AKAP6: variants seen among roughly 807,000 people sequenced by gnomAD.
The protein encoded by AKAP6 is A-kinase anchoring protein 6, also known as A-kinase anchor protein 6.
AKAP6 carries 58 observed loss-of-function variants against 188.5 expected under a neutral mutation model. The ratio of observed to expected loss-of-function variants is 0.31; its 90% CI spans 0.25 to 0.38. The LOEUF is 0.38. AKAP6 is among the 10% of genes least tolerant of loss of function. AKAP6 has a pLI of 1.00. For missense variants in AKAP6, 2,710 were observed against 2,740.0 expected (o/e 0.99, Z 0.24); for synonymous variants, 989 against 998.6 (o/e 0.99, Z 0.18).
In AKAP6 at chr14:32,729,446, C is replaced by T. The variant is rs1025325608; in HGVS notation, c.3001-3008C>T. ...TTAGCATTTGTGCTAAAAGTAAGTA[C>T]TCAATAAGAATTTTCTACAACTTCT... On this transcript the variant is annotated intron_variant, in intron 9 of 13. Coordinates refer to ENST00000280979, the MANE Select transcript of AKAP6 (RefSeq NM_004274.5). Among the ~76,000 whole-genome samples the T allele has an allele frequency of 7.9e-5, 12 of 152,212 alleles. No homozygotes were observed. In the East Asian group the frequency reaches 2.3e-3, roughly 29 times the overall value.
chr14:32,509,317 G>C (rs979669629), intron 2 of AKAP6, among the ~76,000 whole-genome samples: 1 of 151,608 alleles, frequency 6.6e-6, no homozygotes, highest in African/African-American at 2.4e-5. Flanking sequence ...TAGTAGAGAC[G>C]GGGTTTCGCC....
intron 2 of AKAP6, among the ~76,000 whole-genome samples, chr14:32,522,903 A>G (rs1881919978): frequency 6.6e-6 from 1 of 152,222 alleles, no homozygotes; most frequent in Non-Finnish European, 1.5e-5. Flanking sequence ...ACTATTCACA[A>G]TAGCAAAGAC....
chr14:32,753,628 G>T (rs2032222572), intron 11 of AKAP6, among the ~76,000 whole-genome samples: 1 of 151,818 alleles, frequency 6.6e-6, no homozygotes, highest in Non-Finnish European at 1.5e-5. Flanking sequence ...TTTCTAGGGG[G>T]AAAGTTTATA....
chr14:32,697,952 G>A (rs893901735), intron 9 of AKAP6, among the ~76,000 whole-genome samples: 4 of 152,058 alleles, frequency 2.6e-5, no homozygotes, highest in Non-Finnish European at 5.9e-5. Flanking sequence ...TGTGACTCAC[G>A]TCCTGTCACC....
At chr14:32,545,148 T>A in intron 3 of AKAP6, 82 bp from the exon 4 acceptor site, 1 of 1,354,982 alleles carries the variant, frequency 7.4e-7, no homozygotes, top group Non-Finnish European at 1.0e-6. Context: ...TATAGTGCCC[T>A]GTACTGCAAT....
At chr14:32,488,564 G>A (rs930587108) in intron 2 of AKAP6, among the ~76,000 whole-genome samples, 2 of 152,132 alleles carry the variant, frequency 1.3e-5, no homozygotes, top group Non-Finnish European at 2.9e-5. Context: ...GGGGTTCCAG[G>A]CACCACTGGG....
intron 12 of AKAP6, among the ~76,000 whole-genome samples, chr14:32,814,977 A>C (rs1475567618): frequency 6.6e-6 from 1 of 152,216 alleles, no homozygotes; most frequent in Non-Finnish European, 1.5e-5. Flanking sequence ...GGACAGTCAG[A>C]GTACCTGTCC....
chr14:32,832,611 C>T lies in AKAP6; in HGVS notation c.*2806C>T, dbSNP rs1322119170. 1 of 152,188 alleles carries T rather than the reference C, an allele frequency of 6.6e-6. No homozygotes were observed. 9.4% of individuals were successfully genotyped at this position (152,188 alleles called of 1,614,324 possible). On this transcript the variant is annotated 3_prime_UTR_variant, in exon 14 of 14. Transcript: ENST00000280979. ...CCCAATTACCCTTAGAAAATGATCA[C>T]ACCAACTCTGCCTACACACTTCCAG...
At chr14:32,331,492 C>G (rs141103385) in intron 1 of AKAP6, among the ~76,000 whole-genome samples, 220 of 152,132 alleles carry the variant, frequency 1.4e-3, no homozygotes, top group African/African-American at 5.3e-3. Context: ...AATTACAGTT[C>G]TCCAACTTTA....
chr14:32,420,911 G>GTA (rs1269435588), intron 1 of AKAP6, among the ~76,000 whole-genome samples: 1 of 123,114 alleles, frequency 8.1e-6, no homozygotes, highest in Non-Finnish European at 1.7e-5. Flanking sequence ...AGATTGATTT[G>GTA]TGTGTGTGTG....
At chr14:32,618,784 A>G (rs1417345720) in intron 7 of AKAP6, among the ~76,000 whole-genome samples, 1 of 152,216 alleles carries the variant, frequency 6.6e-6, no homozygotes, top group Non-Finnish European at 1.5e-5. Flanking sequence ...TGTTTTCCAC[A>G]GGGATTGTAC....
At chr14:32,570,508 A>C (rs1884431108) in intron 4 of AKAP6, among the ~76,000 whole-genome samples, 1 of 152,032 alleles carries the variant, frequency 6.6e-6, no homozygotes, top group Non-Finnish European at 1.5e-5. Flanking sequence ...CTTAGTGAAT[A>C]ATAAAACAAT....
chr14:32,772,826 G>T (rs1042050845), intron 11 of AKAP6, among the ~76,000 whole-genome samples: 2 of 152,202 alleles, frequency 1.3e-5, no homozygotes, highest in Non-Finnish European at 2.9e-5. Flanking sequence ...TAGTAATTCA[G>T]TGATGTTTGT....
chr14:32,373,930 T>C (rs1888085249), intron 1 of AKAP6, among the ~76,000 whole-genome samples: 1 of 152,244 alleles, frequency 6.6e-6, no homozygotes, highest in South Asian at 2.1e-4. Flanking sequence ...ATTTGAAATG[T>C]ATGTAACCCA....
intron 2 of AKAP6, among the ~76,000 whole-genome samples, chr14:32,456,404 T>C (rs1455802436): frequency 6.6e-6 from 1 of 152,194 alleles, no homozygotes; most frequent in African/African-American, 2.4e-5. Context: ...GAGATCAAAA[T>C]CTTTTTACAA....
At chr14:32,570,393 C>T (rs914940281) in intron 4 of AKAP6, among the ~76,000 whole-genome samples, 1 of 151,826 alleles carries the variant, frequency 6.6e-6, no homozygotes, top group Non-Finnish European at 1.5e-5. Flanking sequence ...CTGCCCACCT[C>T]GGCCTCTCAA....
chr14:32,392,852 A>C (rs549026427), intron 1 of AKAP6, among the ~76,000 whole-genome samples: 1 of 152,270 alleles, frequency 6.6e-6, no homozygotes, highest in East Asian at 1.9e-4. Flanking sequence ...GTAGGGTTAA[A>C]ATTAATAAAT....
rs181468914 is a variant in AKAP6, at chr14:32,697,138, A to T, written c.3000+1028A>T. Reference sequence around the variant, plus strand: ...GTTGCCTTCTTTCTTCTTCAATGGTATCATTTTAAATTACCGTTCTTTAAT... The same window carrying T: ...GTTGCCTTCTTTCTTCTTCAATGGTTTCATTTTAAATTACCGTTCTTTAAT... On this transcript the variant is annotated intron_variant, in intron 9 of 13. Coordinates refer to ENST00000280979, the MANE Select transcript of AKAP6 (RefSeq NM_004274.5). 8.3e-3 allele frequency among the ~76,000 whole-genome samples: 1,260 copies of T among 152,282 alleles called. 23 individuals are homozygous for T. The highest frequency in any genetic ancestry group is 0.029 in the African/African-American group (1,189 of 41,548).
intron 1 of AKAP6, among the ~76,000 whole-genome samples, chr14:32,410,849 A>C (rs1889458675): frequency 6.6e-6 from 1 of 152,200 alleles, no homozygotes; most frequent in African/African-American, 2.4e-5. Context: ...TTTTTTAAAA[A>C]TTTAGATTTC....
Sources: gnomAD v4.1 joint callset for allele counts (sites outside exome capture counted in the v4.1 genomes callset) on GRCh38, gnomAD v4.1.1 for gene constraint, MANE v1.5 for transcripts, NCBI Gene and HGNC (gene_info 2026-07-23, HGNC 2026-07-21) for gene names.